Variants in RIC8B observed in about 807,000 individuals in gnomAD.
RIC8B encodes RIC8 guanine nucleotide exchange factor B.
Under a neutral mutation model 57.5 loss-of-function variants are expected in RIC8B, and 16 were observed. That is an observed-to-expected ratio of 0.28 (90% CI 0.19 to 0.42). The LOEUF is 0.42. Among genes scored for constraint, RIC8B ranks in the 10% least tolerant of loss-of-function variants. The pLI, the probability that RIC8B is intolerant of heterozygous loss-of-function variation, is 1.00. For missense variants in RIC8B, 481 were observed against 677.0 expected, an observed-to-expected ratio of 0.71 and a Z score of 3.21; for synonymous variants, 216 against 250.8, an observed-to-expected ratio of 0.86 and a Z score of 1.31.
At chr12:106,797,105 G>A (rs146131795) in intron 2 of RIC8B, among the ~76,000 whole-genome samples, 1 of 152,278 alleles carries the variant, frequency 6.6e-6, no homozygotes, top group Non-Finnish European at 1.5e-5. Context: ...CAGTCTGGTG[G>A]ATCCTCAAAA....
chr12:106,793,424 A>C (rs1436950593), intron 2 of RIC8B, among the ~76,000 whole-genome samples: 1 of 152,224 alleles, frequency 6.6e-6, no homozygotes, highest in Non-Finnish European at 1.5e-5. Flanking sequence ...TTGTGATGAA[A>C]GGCACTTGGG....
At chr12:106,871,060 G>A in intron 9 of RIC8B, 118 bp downstream of exon 9, 16 of 1,043,324 alleles carry the variant, frequency 1.5e-5, no homozygotes, top group Non-Finnish European at 2.0e-5. Context: ...TTGGAATAGG[G>A]TGGCCCAGGC....
intron 7 of RIC8B, among the ~76,000 whole-genome samples, chr12:106,853,820 C>T (rs1173842615): frequency 6.6e-6 from 1 of 152,002 alleles, no homozygotes; most frequent in Non-Finnish European, 1.5e-5. Flanking sequence ...ATGTATTCTT[C>T]CGGAATAAAC....
chr12:106,784,174 A>G, intron 2 of RIC8B, 130 bp downstream of exon 2: 1 of 841,814 alleles, frequency 1.2e-6, no homozygotes, highest in African/African-American at 1.7e-5. Context: ...TTTGTTTTTT[A>G]GGAACCCTGA....
intron 4 of RIC8B, among the ~76,000 whole-genome samples, chr12:106,826,144 T>C (rs2046089551): frequency 1.3e-5 from 2 of 152,226 alleles, no homozygotes; most frequent in Admixed American, 1.3e-4. Flanking sequence ...CTTAACTCTG[T>C]GGCATTGTGC....
chr12:106,799,405 T>C (rs978312018), intron 2 of RIC8B, among the ~76,000 whole-genome samples: 4 of 152,206 alleles, frequency 2.6e-5, no homozygotes, highest in African/African-American at 9.7e-5. Flanking sequence ...CCCTAGTTGT[T>C]ATCCCTATCT....
chr12:106,882,831 G>C (rs1951013303), intron 9 of RIC8B, among the ~76,000 whole-genome samples: 1 of 152,124 alleles, frequency 6.6e-6, no homozygotes, highest in Admixed American at 6.6e-5. Flanking sequence ...TTCCATTTTA[G>C]TGGGGGTTGA....
At chr12:106,815,975 A>G (rs1055249131) in intron 3 of RIC8B, among the ~76,000 whole-genome samples, 2 of 152,220 alleles carry the variant, frequency 1.3e-5, no homozygotes, top group African/African-American at 4.8e-5. Context: ...CAGCAACCCA[A>G]AGTGACGCAG....
intron 1 of RIC8B, among the ~76,000 whole-genome samples, chr12:106,778,039 C>T (rs2043572007): frequency 6.6e-6 from 1 of 152,124 alleles, no homozygotes; most frequent in Non-Finnish European, 1.5e-5. Flanking sequence ...GATTTGTTGT[C>T]AGGATTAAAT....
chr12:106,793,671 A>G (rs920126370), intron 2 of RIC8B, among the ~76,000 whole-genome samples: 2 of 151,986 alleles, frequency 1.3e-5, no homozygotes, highest in African/African-American at 4.8e-5. Flanking sequence ...GTGTGTGATC[A>G]GGAAAAGAGA....
At chr12:106,874,995 TA>T (rs1950599351) in intron 9 of RIC8B, among the ~76,000 whole-genome samples, 1 of 152,144 alleles carries the variant, frequency 6.6e-6, no homozygotes, top group Non-Finnish European at 1.5e-5. Flanking sequence ...GATGATGAAA[TA>T]ATGAAAATAG....
At chr12:106,803,889 T>G (rs935097755) in intron 2 of RIC8B, among the ~76,000 whole-genome samples, 16 of 152,210 alleles carry the variant, frequency 1.1e-4, no homozygotes, top group African/African-American at 3.6e-4. Flanking sequence ...TAGCTCTTAC[T>G]GTGTACCATC....
chr12:106,783,319 A>T (rs2043850484), intron 1 of RIC8B, among the ~76,000 whole-genome samples: 1 of 152,182 alleles, frequency 6.6e-6, no homozygotes. Context: ...TTTTCAGATG[A>T]GAAACTCAGT....
Position 106,843,857 on chromosome 12 carries a change from C to T in RIC8B, c.1071C>T (p.Ser357=). 3 of 1,603,108 alleles carry T rather than the reference C, an allele frequency of 1.9e-6. No individual in the cohort carries two copies. Among genetic ancestry groups the T allele is most frequent in the Non-Finnish European group, 2.6e-6 (3 of 1,173,974 alleles). Reference sequence around the variant, plus strand: ...TATGGTTTTTTTTTTTATAGGGAAGCAGCTATAGAGAGGGTCTAACTCCAG... The same window carrying T: ...TATGGTTTTTTTTTTTATAGGGAAGTAGCTATAGAGAGGGTCTAACTCCAG... ...NFMEKRIDKG[S]SYREGLTPVL... The change falls in exon 6 of 10, where the codon AGC becomes AGT. Residue 357 remains serine, a synonymous_variant. Coordinates refer to ENST00000392837, the MANE Select transcript of RIC8B (RefSeq NM_001330145.2).
chr12:106,849,529 A>G (rs1263035134), intron 6 of RIC8B, among the ~76,000 whole-genome samples: 1 of 151,974 alleles, frequency 6.6e-6, no homozygotes, highest in East Asian at 1.9e-4. Flanking sequence ...AAGGTTAGAA[A>G]AAAGAAACAA....
rs141171666 is a variant in RIC8B at position 106,876,742 on chromosome 12, A to T, written c.1571+5800A>T. Among the ~76,000 whole-genome samples the T allele has an allele frequency of 5.2e-4, 79 of 152,168 alleles. 1 individual carries two copies. In the East Asian group the frequency reaches 0.014, roughly 27 times the overall value. On this transcript the variant is annotated intron_variant, in intron 9 of 9. Transcript: ENST00000392837. ...AAAGTACTCTCTGAAATGGTTTTTG[A>T]CTAGTAGAGGAACATCAAATAAGAA...
intron 4 of RIC8B, among the ~76,000 whole-genome samples, chr12:106,840,000 A>G (rs2046798199): frequency 6.6e-6 from 1 of 152,192 alleles, no homozygotes; most frequent in Non-Finnish European, 1.5e-5. Context: ...CCTGGGCAAG[A>G]GACTCTATCT....
chr12:106,851,525 A>G lies in RIC8B; in HGVS notation c.1237A>G (p.Met413Val). 6.2e-7 allele frequency: 1 copy of G among 1,613,576 alleles called. No homozygotes were observed. The highest frequency in any genetic ancestry group is 8.5e-7 in the Non-Finnish European group (1 of 1,179,890). Residue 413 changes from methionine (M) to valine (V), a missense_variant, in exon 7 of 10, where the codon ATG (methionine) becomes GTG (valine). This residue lies in a region of RIC8B where 421 missense variants were observed against 560.9 expected (regional missense o/e 0.75). Transcript: ENST00000392837. ...TGTGAGAAATAAGCTGGTGCGCCTC[A>G]TGACACATGTTGACCTTGGAGTCAA... The part of the protein sequence containing the change: ...STVRNKLVRL[M>V]THVDLGVKQI...
intron 9 of RIC8B, chr12:106,871,318 C>A: frequency 6.4e-6 from 1 of 155,330 alleles, no homozygotes; most frequent in Non-Finnish European, 1.4e-5. Context: ...TTTATTTTTT[C>A]ATTTTTGATG....
Sources: gnomAD v4.1 joint callset for allele counts (sites outside exome capture counted in the v4.1 genomes callset) on GRCh38, gnomAD v4.1.1 for gene constraint, gnomAD v4.1.1 regional missense constraint, MANE v1.5 for transcripts, NCBI Gene and HGNC (gene_info 2026-07-23, HGNC 2026-07-21) for gene names.